C9: variants seen among roughly 807,000 people sequenced by gnomAD.
C9 encodes complement component C9.
In C9, 63 loss-of-function variants were observed where a neutral mutation model predicts 65.4. The ratio of observed to expected loss-of-function variants is 0.96; its 90% confidence interval spans 0.79 to 1.19. The LOEUF (loss-of-function observed/expected upper bound fraction) is 1.19. Ranked by LOEUF, C9 falls within the 50% of genes most tolerant of loss-of-function variation. The pLI, the probability that C9 is intolerant of heterozygous loss-of-function variation, is 0.00. For missense variants in C9, 744 were observed against 670.1 expected (o/e 1.11, Z -1.22); for synonymous variants, 229 against 227.9 (o/e 1.00, Z -0.04).
chr5:39,358,382 G>A (rs1311142963), intron 1 of C9, among the ~76,000 whole-genome samples: 1 of 152,190 alleles, frequency 6.6e-6, no homozygotes, highest in Non-Finnish European at 1.5e-5. Context: ...AGCAAGCATG[G>A]TGTTAGAGCA....
At chr5:39,309,347 A>G (rs879864425) in intron 7 of C9, among the ~76,000 whole-genome samples, 6 of 152,092 alleles carry the variant, frequency 3.9e-5, no homozygotes, top group Admixed American at 6.6e-5. Context: ...AAAGGAAAGA[A>G]AAAAATGAAA....
At chr5:39,312,283 G>T (rs1753498040) in intron 6 of C9, among the ~76,000 whole-genome samples, 1 of 152,022 alleles carries the variant, frequency 6.6e-6, no homozygotes, top group African/African-American at 2.4e-5. Context: ...TAAAATCTTT[G>T]CATTTTATTT....
At chr5:39,340,418 G>A (rs904458589) in intron 4 of C9, among the ~76,000 whole-genome samples, 7 of 151,008 alleles carry the variant, frequency 4.6e-5, no homozygotes, top group Admixed American at 1.3e-4. Context: ...GTGAGTAAGA[G>A]AGGCTGTGTA....
At position 39,315,923 on chromosome 5, in the gene C9, AG is replaced by A. The variant is rs774253048; in HGVS notation, c.721del (p.Leu241Ter). 7.3e-5 allele frequency: 118 copies of A among 1,612,242 alleles called. No homozygotes were observed. The African/African-American group carries it at 1.5e-3, about 21-fold the overall frequency. On this transcript the variant is annotated frameshift_variant, in exon 6 of 11. Transcript: ENST00000263408. LOFTEE classifies it high-confidence loss of function. ...KTSNFNAAIS[L>X]KFTPTETNKA... ...ATTTGTTTCAGTGGGTGTAAATTTT[AG>A]AGATATAGCTGCATTAAAATTTGAT... is the stretch of plus-strand genomic sequence containing the variant.
At chr5:39,314,821 T>G (rs1193907344) in intron 6 of C9, among the ~76,000 whole-genome samples, 2 of 152,184 alleles carry the variant, frequency 1.3e-5, no homozygotes, top group African/African-American at 4.8e-5. Context: ...TACTCTAATT[T>G]TCCTTGTATC....
In C9 at chr5:39,296,157, A is replaced by G. The variant is rs1281163868; in HGVS notation, c.1417-7206T>C. On this transcript the variant is annotated intron_variant, in intron 9 of 10. Coordinates refer to ENST00000263408, the MANE Select transcript of C9 (RefSeq NM_001737.5). Reference sequence around the variant, plus strand: ...GAATAGGATCTCAAATGCACAGGGAACAGAAGCAAAAATACACAAATGGTT... The same window carrying G: ...GAATAGGATCTCAAATGCACAGGGAGCAGAAGCAAAAATACACAAATGGTT... Among the ~76,000 whole-genome samples, 2 of 151,684 alleles carry G rather than the reference A, an allele frequency of 1.3e-5. 1 individual carries two copies. Among genetic ancestry groups the G allele is most frequent in the Non-Finnish European group, 3.0e-5 (2 of 67,720 alleles).
chr5:39,360,866 T>A (rs1579886944), intron 1 of C9, among the ~76,000 whole-genome samples: 1 of 152,074 alleles, frequency 6.6e-6, no homozygotes, highest in African/African-American at 2.4e-5. Flanking sequence ...ATAATACAAA[T>A]AGGGCAATTT....
chr5:39,333,435 C>A (rs2111933095), intron 4 of C9, among the ~76,000 whole-genome samples: 1 of 152,338 alleles, frequency 6.6e-6, no homozygotes, highest in African/African-American at 2.4e-5. Flanking sequence ...TAATGGGTAG[C>A]TGCTGCCCCT....
chr5:39,286,914 T>C (rs1307128838), intron 10 of C9, among the ~76,000 whole-genome samples: 1 of 152,004 alleles, frequency 6.6e-6, no homozygotes, highest in Non-Finnish European at 1.5e-5. Context: ...ATTTATATTG[T>C]AAGAGATGAA....
intron 1 of C9, among the ~76,000 whole-genome samples, chr5:39,360,749 T>TA (rs1197322060): frequency 6.7e-6 from 1 of 149,230 alleles, no homozygotes; most frequent in East Asian, 1.9e-4. Context: ...AAAATACCTA[T>TA]TTTTTTTTTA....
intron 10 of C9, among the ~76,000 whole-genome samples, chr5:39,285,671 T>A (rs1752979286): frequency 6.6e-6 from 1 of 151,864 alleles, no homozygotes; most frequent in Non-Finnish European, 1.5e-5. Flanking sequence ...TTTAATTGGC[T>A]TAGGATAGAC....
intron 1 of C9, among the ~76,000 whole-genome samples, chr5:39,352,697 G>A (rs1014364274): frequency 3.9e-5 from 6 of 152,078 alleles, no homozygotes; most frequent in African/African-American, 1.4e-4. Flanking sequence ...ATATCTCCTA[G>A]ATGACTACAA....
At chr5:39,297,668 A>G in intron 9 of C9, among the ~76,000 whole-genome samples, 1 of 151,730 alleles carries the variant, frequency 6.6e-6, no homozygotes, top group East Asian at 1.9e-4. Flanking sequence ...AAGAAGATAT[A>G]TAATCTAAAT....
At chr5:39,288,343 G>A (rs1753029191) in intron 10 of C9, among the ~76,000 whole-genome samples, 1 of 151,592 alleles carries the variant, frequency 6.6e-6, no homozygotes, top group South Asian at 2.1e-4. Flanking sequence ...AAGTATATAT[G>A]TCTACGTCTA....
chr5:39,327,383 C>T (rs561941522), intron 5 of C9, among the ~76,000 whole-genome samples: 8 of 152,170 alleles, frequency 5.3e-5, no homozygotes, highest in African/African-American at 1.9e-4. Flanking sequence ...GTGATGGGAG[C>T]TTAAGGCAGT....
chr5:39,288,963 C>A lies in C9; in HGVS notation c.1417-12G>T. On this transcript the variant is annotated splice_polypyrimidine_tract_variant and intron_variant, in intron 9 of 10. Coordinates refer to ENST00000263408, the MANE Select transcript of C9 (RefSeq NM_001737.5). ...TATATAGGAGACAGCTGAAAGGAAG[C>A]AAAACATTTAATTTTAGGTCCTTTT... The A allele has an allele frequency of 6.9e-7, 1 of 1,441,988 alleles. No homozygotes were observed. Among genetic ancestry groups the A allele is most frequent in the Non-Finnish European group, 9.8e-7 (1 of 1,024,052 alleles). The allele number at this position is 1,441,988 out of a possible 1,614,324, so 89.3% of individuals were successfully genotyped here.
At chr5:39,296,321 A>G (rs1753186077) in intron 9 of C9, among the ~76,000 whole-genome samples, 1 of 151,728 alleles carries the variant, frequency 6.6e-6, no homozygotes, top group Non-Finnish European at 1.5e-5. Context: ...ACAACTAACA[A>G]CAACAAAATA....
At chr5:39,346,043 C>A (rs1047271121) in intron 1 of C9, among the ~76,000 whole-genome samples, 2 of 152,256 alleles carry the variant, frequency 1.3e-5, no homozygotes, top group African/African-American at 4.8e-5. Context: ...AAATTTATAG[C>A]ACTAAATGCC....
At chr5:39,346,365 A>G (rs960240341) in intron 1 of C9, among the ~76,000 whole-genome samples, 2 of 152,228 alleles carry the variant, frequency 1.3e-5, no homozygotes, top group East Asian at 1.9e-4. Flanking sequence ...CAGAAATACA[A>G]ACTACCATCA....
Sources: allele counts gnomAD v4.1 joint callset (sites outside exome capture counted in the v4.1 genomes callset), GRCh38; gene constraint gnomAD v4.1.1; transcripts MANE v1.5; gene names NCBI Gene and HGNC (gene_info 2026-07-23, HGNC 2026-07-21).